The following FGD3 variants were observed in gnomAD, a reference collection of about 807,000 sequenced individuals.
FGD3 encodes the protein FYVE, RhoGEF and PH domain containing 3, also known as FYVE, RhoGEF and PH domain-containing protein 3.
FGD3 carries 45 observed loss-of-function variants against 71.8 expected under a neutral mutation model. That is an observed-to-expected ratio of 0.63 (90% CI 0.49 to 0.80). The LOEUF (loss-of-function observed/expected upper bound fraction) is 0.80. Ranked by LOEUF, FGD3 falls within the 30% of genes least tolerant of loss-of-function variation. The pLI, the probability that FGD3 is intolerant of heterozygous loss-of-function variation, is 0.00. For synonymous variants in FGD3, 378 were observed against 392.8 expected, an observed-to-expected ratio of 0.96 and a Z score of 0.44; for missense variants, 844 against 951.5, an observed-to-expected ratio of 0.89 and a Z score of 1.49.
intron 1 of FGD3, among the ~76,000 whole-genome samples, chr9:92,972,169 C>T (rs1859561521): frequency 6.6e-6 from 1 of 151,900 alleles, no homozygotes; most frequent in Non-Finnish European, 1.5e-5. Flanking sequence ...AAAGATCTGG[C>T]TGGATGTGGT....
chr9:92,965,788 G>A (rs889878118), intron 1 of FGD3, among the ~76,000 whole-genome samples: 45 of 152,200 alleles, frequency 3.0e-4, no homozygotes, highest in Non-Finnish European at 4.1e-4. Context: ...AGTCACTGGT[G>A]CATGTGCTGG....
intron 16 of FGD3, 95 bp from the exon 17 acceptor site, chr9:93,034,446 C>T: frequency 2.0e-6 from 3 of 1,463,620 alleles, no homozygotes; most frequent in Non-Finnish European, 9.1e-7. Context: ...GCCAGCTCCC[C>T]CCAAGCAGTG....
In FGD3 at chr9:92,976,448, G is replaced by T; in HGVS notation, c.192G>T (p.Glu64Asp). 1 of 1,611,898 alleles carries T rather than the reference G, an allele frequency of 6.2e-7. No homozygotes were observed. The highest frequency in any genetic ancestry group is 8.5e-7 in the Non-Finnish European group (1 of 1,179,396). Residue 64 changes from glutamate to aspartate, a missense_variant, in exon 3 of 18, where the codon GAG (glutamate) becomes GAT (aspartate). Glu to Asp is a conservative substitution (Grantham distance 45, BLOSUM62 2). Coordinates refer to ENST00000375482, the MANE Select transcript of FGD3 (RefSeq NM_001083536.2). The part of the protein sequence containing the change: ...DGSPDIGPTG[E>D]LSGSLKIPNR... ...CTCCAGACATAGGCCCCACGGGAGA[G>T]CTGAGTGGTAGCTTAAAGATCCCCA... is the stretch of plus-strand genomic sequence containing the variant.
chr9:93,002,300 G>A (rs1237349776), intron 3 of FGD3, among the ~76,000 whole-genome samples: 1 of 152,112 alleles, frequency 6.6e-6, no homozygotes, highest in Non-Finnish European at 1.5e-5. Context: ...AAAACAGGAG[G>A]AGGCCAGGCA....
intron 13 of FGD3, among the ~76,000 whole-genome samples, chr9:93,021,130 G>T (rs1340192350): frequency 1.3e-5 from 2 of 152,200 alleles, no homozygotes; most frequent in Admixed American, 6.5e-5. Context: ...CACTCTGTCT[G>T]GTCTAGCACA....
chr9:93,034,827 T>G, intron 17 of FGD3, 146 bp downstream of exon 17: 7 of 952,562 alleles, frequency 7.3e-6, no homozygotes, highest in East Asian at 2.8e-5. Flanking sequence ...CAGCGCAGGA[T>G]TCCCTCTGCT....
At chr9:93,012,440 C>T (rs1861449781) in intron 8 of FGD3, among the ~76,000 whole-genome samples, 1 of 152,100 alleles carries the variant, frequency 6.6e-6, no homozygotes, top group South Asian at 2.1e-4. Flanking sequence ...CCATGTGTTA[C>T]CATGGAACTC....
Position 92,965,026 on chromosome 9 carries a change from G to A in FGD3, c.-217-10212G>A, listed in dbSNP as rs561477961. On this transcript the variant is annotated intron_variant, in intron 1 of 17. Coordinates refer to ENST00000375482, the MANE Select transcript of FGD3 (RefSeq NM_001083536.2). ...CCCACCAAAGCCTCCTCAGCACCCC[G>A]TGCTGTGCCTGGCAGTGTGGGACAG... Among the ~76,000 whole-genome samples the A allele has an allele frequency of 5.3e-5, 8 of 152,356 alleles. No individual in the cohort carries two copies. The East Asian group carries it at 1.2e-3, about 22-fold the overall frequency.
chr9:92,984,751 C>T (rs1257346064), intron 3 of FGD3, among the ~76,000 whole-genome samples: 1 of 151,580 alleles, frequency 6.6e-6, no homozygotes, highest in African/African-American at 2.4e-5. Flanking sequence ...CTACCAGGGA[C>T]TGGTGGGAAA....
At chr9:92,950,405 C>A (rs1021917006) in intron 1 of FGD3, among the ~76,000 whole-genome samples, 2 of 144,294 alleles carry the variant, frequency 1.4e-5, no homozygotes, top group Non-Finnish European at 3.0e-5. Flanking sequence ...GGCGACAGAG[C>A]AAGATTCCAT....
At chr9:93,008,588 C>T (rs1861163530) in intron 6 of FGD3, among the ~76,000 whole-genome samples, 2 of 152,236 alleles carry the variant, frequency 1.3e-5, no homozygotes, top group South Asian at 4.1e-4. Flanking sequence ...GACGCAGTCT[C>T]TGCATCCCAT....
intron 3 of FGD3, 28 bp from the exon 4 acceptor site, chr9:93,002,897 A>G: frequency 1.2e-6 from 2 of 1,609,616 alleles, no homozygotes; most frequent in Non-Finnish European, 1.7e-6. Context: ...CATCTTCCCC[A>G]GGTGAGCTGC....
chr9:93,001,343 A>C (rs548965823), intron 3 of FGD3, among the ~76,000 whole-genome samples: 2 of 152,144 alleles, frequency 1.3e-5, no homozygotes, highest in Non-Finnish European at 2.9e-5. Context: ...TGATTGGGCT[A>C]CATTTTTCTG....
chr9:93,009,839 C>T (rs1271464500), intron 6 of FGD3, among the ~76,000 whole-genome samples: 1 of 152,236 alleles, frequency 6.6e-6, no homozygotes, highest in African/African-American at 2.4e-5. Context: ...GCCCGATACC[C>T]AGTGGGGATG....
intron 14 of FGD3, among the ~76,000 whole-genome samples, chr9:93,024,978 G>A (rs772231289): frequency 1.3e-5 from 2 of 152,216 alleles, no homozygotes; most frequent in Non-Finnish European, 2.9e-5. Context: ...AAGCTGTCAG[G>A]CGCTGCTGGC....
intron 15 of FGD3, 92 bp from the exon 16 acceptor site, chr9:93,032,677 T>A: frequency 3.3e-6 from 2 of 609,700 alleles, no homozygotes; most frequent in Non-Finnish European, 4.7e-6. Context: ...TCCCGCCCAC[T>A]CCACCTCCCG....
At chr9:92,968,953 G>A (rs1343730683) in intron 1 of FGD3, among the ~76,000 whole-genome samples, 1 of 152,158 alleles carries the variant, frequency 6.6e-6, no homozygotes, top group Non-Finnish European at 1.5e-5. Context: ...TCTGGGCATG[G>A]CCAGGGTGCC....
Position 93,015,841 on chromosome 9 carries a change from C to A in FGD3, c.1275+12C>A, listed in dbSNP as rs1861658649. 23 of 1,613,060 alleles carry A rather than the reference C, an allele frequency of 1.4e-5. No homozygotes were observed. Among genetic ancestry groups the A allele is most frequent in the Non-Finnish European group, 1.7e-5 (20 of 1,179,032 alleles). On this transcript the variant is annotated intron_variant, in intron 10 of 17. Coordinates refer to ENST00000375482, the MANE Select transcript of FGD3 (RefSeq NM_001083536.2). ...TCTCAGGCCTCCAGGTGGGTGAGCT[C>A]CTCCATCTCAAACCTGTCCCCCTGG...
intron 7 of FGD3, among the ~76,000 whole-genome samples, 200 bp from the exon 8 acceptor site, chr9:93,011,014 C>G (rs919022552): frequency 6.6e-6 from 1 of 152,042 alleles, no homozygotes; most frequent in Non-Finnish European, 1.5e-5. Flanking sequence ...GGTATTGGCC[C>G]CAGAAGGGAT....
Sources: gnomAD v4.1 joint callset for allele counts (sites outside exome capture counted in the v4.1 genomes callset) on GRCh38, gnomAD v4.1.1 for gene constraint, MANE v1.5 for transcripts, NCBI Gene and HGNC (gene_info 2026-07-23, HGNC 2026-07-21) for gene names.